Variants in SYTL3 observed in about 807,000 individuals in gnomAD.
SYTL3 encodes the protein synaptotagmin like 3.
Under a neutral mutation model 82.1 loss-of-function variants are expected in SYTL3, and 88 were observed. The ratio of observed to expected loss-of-function variants is 1.07; its 90% CI spans 0.90 to 1.28. SYTL3 has a LOEUF of 1.28. Ranked by LOEUF, SYTL3 falls within the 50% of genes most tolerant of loss-of-function variation. The pLI is 0.00. For synonymous variants in SYTL3, 311 were observed against 289.4 expected, an observed-to-expected ratio of 1.07 and a Z score of -0.76; for missense variants, 831 against 757.6, an observed-to-expected ratio of 1.10 and a Z score of -1.14.
At chr6:158,658,141 C>T (rs561385963) in intron 2 of SYTL3, among the ~76,000 whole-genome samples, 1 of 152,322 alleles carries the variant, frequency 6.6e-6, no homozygotes, top group South Asian at 2.1e-4. Context: ...ATCCGCCTGC[C>T]TCAGCCTCCC....
At chr6:158,658,684 G>A (rs1012868435) in intron 2 of SYTL3, among the ~76,000 whole-genome samples, 3 of 152,134 alleles carry the variant, frequency 2.0e-5, no homozygotes, top group African/African-American at 7.2e-5. Flanking sequence ...CAGCACTTTG[G>A]GAGGTCGAGG....
chr6:158,763,165 A>T, intron 16 of SYTL3, 139 bp from the exon 17 acceptor site: 1 of 787,638 alleles, frequency 1.3e-6, no homozygotes, highest in Non-Finnish European at 2.1e-6. Context: ...TGTGGTTCCC[A>T]CCCTGCTTCA....
At chr6:158,705,838 A>T (rs1015487703) in intron 6 of SYTL3, among the ~76,000 whole-genome samples, 1 of 152,066 alleles carries the variant, frequency 6.6e-6, no homozygotes, top group Admixed American at 6.5e-5. Flanking sequence ...ACCCTGTGGT[A>T]TATTGCCGCC....
In SYTL3 at chr6:158,764,400, G is replaced by A. The variant is rs1041891115; in HGVS notation, c.1724-95G>A. ...TGGCCTTTTAATGTGGACTTGAGGT[G>A]AAAAACTTCTGGCTGGTCATCATTT... On this transcript the variant is annotated intron_variant, in intron 17 of 17. Coordinates refer to ENST00000611299, the MANE Select transcript of SYTL3 (RefSeq NM_001242394.2). 133 of 936,678 alleles carry A rather than the reference G, an allele frequency of 1.4e-4. No homozygotes were observed. In the African/African-American group the frequency reaches 2.0e-3, roughly 14 times the overall value. The allele number at this position is 936,678 out of a possible 1,614,324, so 58.0% of individuals were successfully genotyped here.
chr6:158,731,145 A>T (rs1583407894), intron 11 of SYTL3, among the ~76,000 whole-genome samples: 1 of 151,632 alleles, frequency 6.6e-6, no homozygotes, highest in Non-Finnish European at 1.5e-5. Context: ...TTAGCCGGGC[A>T]TGGTGGCGGG....
chr6:158,660,422 C>A (rs938367861), intron 2 of SYTL3, among the ~76,000 whole-genome samples: 3 of 152,234 alleles, frequency 2.0e-5, no homozygotes, highest in Non-Finnish European at 4.4e-5. Flanking sequence ...CTAGGGGGAG[C>A]GTGAGCTCCC....
chr6:158,711,425 A>T (rs1232194617), intron 8 of SYTL3, among the ~76,000 whole-genome samples: 1 of 152,178 alleles, frequency 6.6e-6, no homozygotes, highest in Non-Finnish European at 1.5e-5. Flanking sequence ...TCACGTGATC[A>T]CGGCAGCTGA....
chr6:158,744,136 C>T (rs933560688), intron 11 of SYTL3, among the ~76,000 whole-genome samples: 1 of 151,714 alleles, frequency 6.6e-6, no homozygotes, highest in Non-Finnish European at 1.5e-5. Context: ...AGGCTGGTCT[C>T]GAACTCCTGA....
intron 8 of SYTL3, among the ~76,000 whole-genome samples, chr6:158,713,497 G>A (rs1583334821): frequency 6.6e-6 from 1 of 152,276 alleles, no homozygotes; most frequent in East Asian, 1.9e-4. Flanking sequence ...TGAAATGCCA[G>A]TCATCATTTC....
intron 6 of SYTL3, among the ~76,000 whole-genome samples, chr6:158,689,913 C>A (rs1203603897): frequency 6.6e-6 from 1 of 152,208 alleles, no homozygotes; most frequent in African/African-American, 2.4e-5. Flanking sequence ...CTTGGCCTCC[C>A]AAAGTGCTGG....
chr6:158,753,746 ATGT>A, intron 13 of SYTL3, among the ~76,000 whole-genome samples: 1 of 151,154 alleles, frequency 6.6e-6, no homozygotes, highest in Non-Finnish European at 1.5e-5. Context: ...AAAAAAAAAA[ATGT>A]AGTTATATAA....
chr6:158,713,951 C>T lies in SYTL3; in HGVS notation c.595+73C>T, dbSNP rs41267055. The T allele has an allele frequency of 5.4e-3, 5,975 of 1,103,418 alleles. 31 individuals are homozygous for T. Among genetic ancestry groups the T allele is most frequent in the Middle Eastern group, 0.01 (51 of 5,040 alleles). The allele number at this position is 1,103,418 out of a possible 1,614,324, so 68.4% of individuals were successfully genotyped here. Reference sequence around the variant, plus strand: ...CCGAGCCCACTGGCCAGGGCCTGGCCGGTGACCTCGGTTGACACTGTCCCT... The same window carrying T: ...CCGAGCCCACTGGCCAGGGCCTGGCTGGTGACCTCGGTTGACACTGTCCCT... On this transcript the variant is annotated intron_variant, in intron 9 of 17. Transcript: ENST00000611299.
intron 6 of SYTL3, among the ~76,000 whole-genome samples, chr6:158,701,551 G>T (rs1230325723): frequency 6.7e-6 from 1 of 149,070 alleles, no homozygotes; most frequent in Non-Finnish European, 1.5e-5. Flanking sequence ...CTGTTCTGGG[G>T]GGGAGGAGGC....
At chr6:158,692,937 C>A (rs1327735891) in intron 6 of SYTL3, among the ~76,000 whole-genome samples, 1 of 150,374 alleles carries the variant, frequency 6.7e-6, no homozygotes, top group Admixed American at 6.6e-5. Flanking sequence ...GGCGACAGAG[C>A]GAGACTCCGT....
At chr6:158,674,338 TCTTC>T (rs1401651662) in intron 5 of SYTL3, among the ~76,000 whole-genome samples, 1 of 152,156 alleles carries the variant, frequency 6.6e-6, no homozygotes, top group African/African-American at 2.4e-5. Flanking sequence ...TCATCCTGGC[TCTTC>T]CTTCTATCTT....
chr6:158,712,812 C>T (rs1026336967), intron 8 of SYTL3, among the ~76,000 whole-genome samples: 6 of 149,580 alleles, frequency 4.0e-5, no homozygotes, highest in Non-Finnish European at 8.9e-5. Flanking sequence ...AGGCTGGAGA[C>T]CAGTGGCGTG....
chr6:158,669,538 C>T (rs1357758719), intron 5 of SYTL3, among the ~76,000 whole-genome samples: 1 of 152,154 alleles, frequency 6.6e-6, no homozygotes, highest in South Asian at 2.1e-4. Context: ...AGCTTATATA[C>T]CATCATTAGA....
In SYTL3 at chr6:158,711,655, C is replaced by T. The variant is rs187754748; in HGVS notation, c.517-2145C>T. On this transcript the variant is annotated intron_variant, in intron 8 of 17. Transcript: ENST00000611299. ...ATTAGGAAAGTAAAGGAATAAAGAA[C>T]GGCTACTCCATAGACAGAACAGCCC... 2.0e-3 allele frequency among the ~76,000 whole-genome samples: 302 copies of T among 152,302 alleles called. 2 individuals are homozygous for T. The highest frequency in any genetic ancestry group is 1.1e-3 in the Non-Finnish European group (72 of 68,026).
chr6:158,749,689 T>C (rs1352185838), intron 12 of SYTL3, among the ~76,000 whole-genome samples: 1 of 151,974 alleles, frequency 6.6e-6, no homozygotes, highest in Non-Finnish European at 1.5e-5. Context: ...GGTCCCACTA[T>C]GTTGCCCAAG....
Sources: gnomAD v4.1 joint callset for allele counts (sites outside exome capture counted in the v4.1 genomes callset) on GRCh38, gnomAD v4.1.1 for gene constraint, MANE v1.5 for transcripts, NCBI Gene and HGNC (gene_info 2026-07-23, HGNC 2026-07-21) for gene names.